Variants in ZNF638 observed in about 807,000 individuals in gnomAD.
The protein encoded by ZNF638 is zinc finger protein 638.
A neutral mutation model predicts 195.6 loss-of-function variants in ZNF638; 46 were observed. That is an observed-to-expected ratio of 0.24 (90% CI 0.19 to 0.30). The LOEUF is 0.30. ZNF638 is among the 10% of genes least tolerant of loss of function. The probability of loss-of-function intolerance (pLI) is 1.00; values close to 1 mark genes in which losing one functional copy is unlikely to be tolerated. For missense variants in ZNF638, 2,440 were observed against 2,325.3 expected (o/e 1.05, Z -1.01); for synonymous variants, 845 against 772.0 (o/e 1.09, Z -1.57).
intron 10 of ZNF638, chr2:71,388,422 C>G: frequency 1.5e-6 from 1 of 679,228 alleles, no homozygotes. Flanking sequence ...GGACTGCTCC[C>G]TACAGGCGGG....
intron 20 of ZNF638, among the ~76,000 whole-genome samples, chr2:71,410,091 T>C (rs1198073337): frequency 6.6e-6 from 1 of 152,252 alleles, no homozygotes; most frequent in Admixed American, 6.5e-5. Flanking sequence ...TCCAGTATTA[T>C]TGAGGAGAAG....
chr2:71,417,818 C>A (rs1473237413), intron 20 of ZNF638, among the ~76,000 whole-genome samples: 1 of 152,170 alleles, frequency 6.6e-6, no homozygotes, highest in Non-Finnish European at 1.5e-5. Flanking sequence ...TAAAGGAAGT[C>A]TTTACTGTTG....
chr2:71,367,819 C>T (rs2079230661), intron 6 of ZNF638, among the ~76,000 whole-genome samples: 2 of 151,742 alleles, frequency 1.3e-5, no homozygotes, highest in East Asian at 1.9e-4. Flanking sequence ...GATCTTTCTG[C>T]CTTGGCCTCC....
rs1558870741 is a variant in ZNF638 at position 71,402,036 on chromosome 2, A to G, written c.2778A>G (p.Ala926=). The G allele has an allele frequency of 1.2e-6, 2 of 1,608,738 alleles. No individual in the cohort carries two copies. Among genetic ancestry groups the G allele is most frequent in the African/African-American group, 1.3e-5 (1 of 74,926 alleles). Residue 926 remains alanine (A), a synonymous_variant, in exon 16 of 28, where the codon GCA becomes GCG. Coordinates refer to ENST00000264447, the MANE Select transcript of ZNF638 (RefSeq NM_014497.5). The part of the protein sequence containing the change: ...GYSVEEVYDL[A]KPFGGLKDIL... ...CTGTAGAAGAAGTTTATGACTTAGC[A>G]AAACCATTTGGTGGTTTAAAGGATA...
intron 6 of ZNF638, among the ~76,000 whole-genome samples, chr2:71,366,259 C>T (rs1267667448): frequency 6.6e-6 from 1 of 151,502 alleles, no homozygotes; most frequent in South Asian, 2.1e-4. Context: ...CCTTGGGAGG[C>T]TCAGGTGGAA....
intron 10 of ZNF638, 100 bp downstream of exon 10, chr2:71,380,665 A>G: frequency 1.1e-6 from 1 of 891,196 alleles, no homozygotes. Flanking sequence ...TGCTTTAATG[A>G]AGGAGACCCA....
chr2:71,421,612 A>T (rs77690539), intron 21 of ZNF638, among the ~76,000 whole-genome samples: 6,884 of 152,214 alleles, frequency 0.045, 224 homozygotes, highest in Non-Finnish European at 0.07. Flanking sequence ...TGTGTTGTTA[A>T]CTGAAGGGTA....
intron 26 of ZNF638, among the ~76,000 whole-genome samples, chr2:71,432,058 T>C (rs1367674865): frequency 1.1e-4 from 16 of 152,190 alleles, no homozygotes; most frequent in Admixed American, 1.0e-3. Flanking sequence ...GCTGCAAATC[T>C]TTGCTAGCCG....
chr2:71,419,974 C>CCCCTTT (rs1189202093), intron 21 of ZNF638, among the ~76,000 whole-genome samples: 1 of 27,022 alleles, frequency 3.7e-5, no homozygotes, highest in Non-Finnish European at 5.8e-5. Context: ...CCCCCCCCGC[C>CCCCTTT]TTTTTTTTTT....
chr2:71,388,839 C>T, intron 10 of ZNF638: 1 of 694,408 alleles, frequency 1.4e-6, no homozygotes, highest in East Asian at 2.7e-5. Context: ...AGTATTGAAA[C>T]AACTGCTTAA....
At chr2:71,393,910 G>A (rs780598972) in intron 10 of ZNF638, among the ~76,000 whole-genome samples, 8 of 152,168 alleles carry the variant, frequency 5.3e-5, no homozygotes, top group Non-Finnish European at 1.2e-4. Context: ...CCCACTGTGT[G>A]TAAGGTTACT....
rs2080484279 is a variant in ZNF638, at chr2:71,424,034, A to G, written c.4520A>G (p.Asn1507Ser). Residue 1507 changes from asparagine (N) to serine (S), a missense_variant, in exon 22 of 28, where the codon AAT becomes AGT. Asn to Ser is a conservative substitution (Grantham distance 46). This residue lies in a region of ZNF638 where 1,883 missense variants were observed against 1,739.1 expected (regional missense o/e 1.08). Transcript: ENST00000264447. ...PSIMKRDDSN[N>S]KTLAEQNTKN... ...ATCATGAAACGGGATGACAGCAACA[A>G]TAAGGTGAGGAGGGTAGGAAGAATG... 3 of 1,613,038 alleles carry G rather than the reference A, an allele frequency of 1.9e-6. No homozygotes were observed. Among genetic ancestry groups the G allele is most frequent in the Non-Finnish European group, 2.5e-6 (3 of 1,179,426 alleles).
rs761421810 is a variant in ZNF638, at chr2:71,423,652, A to G, written c.4138A>G (p.Ser1380Gly). Residue 1380 changes from serine to glycine, a missense_variant, in exon 22 of 28, where the codon AGT becomes GGT. Ser to Gly is a moderately conservative substitution (Grantham distance 56, BLOSUM62 0). This residue lies in a region of ZNF638 where 1,883 missense variants were observed against 1,739.1 expected (regional missense o/e 1.08). Coordinates refer to ENST00000264447, the MANE Select transcript of ZNF638 (RefSeq NM_014497.5). ...TAAGCCTGATGAAACTAGTAAAACT[A>G]GTATTCTGGCTGTATCAGATGTATC... ...ANKPDETSKT[S>G]ILAVSDVSSS... The G allele has an allele frequency of 2.5e-6, 4 of 1,613,704 alleles. No homozygotes were observed. Among genetic ancestry groups the G allele is most frequent in the East Asian group, 4.5e-5 (2 of 44,894 alleles).
At chr2:71,343,018 A>G (rs2078788319) in intron 1 of ZNF638, among the ~76,000 whole-genome samples, 1 of 152,198 alleles carries the variant, frequency 6.6e-6, no homozygotes, top group African/African-American at 2.4e-5. Flanking sequence ...TGAAAATTTG[A>G]TAAACATGTT....
chr2:71,366,756 G>A (rs2079207325), intron 6 of ZNF638, among the ~76,000 whole-genome samples: 1 of 152,144 alleles, frequency 6.6e-6, no homozygotes, highest in African/African-American at 2.4e-5. Context: ...CAGTTCAGAA[G>A]TCAAATACTC....
intron 25 of ZNF638, among the ~76,000 whole-genome samples, chr2:71,429,759 C>T (rs1002125712): frequency 2.6e-5 from 4 of 152,188 alleles, no homozygotes; most frequent in Non-Finnish European, 4.4e-5. Context: ...TGTTGTCAAA[C>T]GTGATTTTTT....
At chr2:71,342,218 CAA>C (rs70959232) in intron 1 of ZNF638, among the ~76,000 whole-genome samples, 20 of 99,262 alleles carry the variant, frequency 2.0e-4, no homozygotes, top group African/African-American at 7.1e-4. Flanking sequence ...GACTCTGTCT[CAA>C]AAAAAAAAAA....
intron 21 of ZNF638, 128 bp downstream of exon 21, chr2:71,418,767 T>G: frequency 1.8e-6 from 1 of 553,428 alleles, no homozygotes; most frequent in Non-Finnish European, 2.9e-6. Context: ...TGTGTACATA[T>G]GGGCTTGTTA....
intron 23 of ZNF638, 116 bp downstream of exon 23, chr2:71,424,831 G>T: frequency 1.3e-6 from 1 of 744,588 alleles, no homozygotes; most frequent in Non-Finnish European, 2.2e-6. Context: ...TAGAGCAAGG[G>T]ATAGGAATGA....
Sources: gnomAD v4.1 joint callset for allele counts (sites outside exome capture counted in the v4.1 genomes callset) on GRCh38, gnomAD v4.1.1 for gene constraint, gnomAD v4.1.1 regional missense constraint, MANE v1.5 for transcripts, NCBI Gene and HGNC (gene_info 2026-07-23, HGNC 2026-07-21) for gene names.